SHISA6: variants seen among roughly 807,000 people sequenced by gnomAD.
SHISA6 encodes the protein protein shisa-6.
In SHISA6, 22 loss-of-function variants were observed where a neutral mutation model predicts 47.9. The observed-to-expected ratio is 0.46, with a 90% CI of 0.33 to 0.66. The LOEUF is 0.66. SHISA6 is among the 30% of genes least tolerant of loss of function. SHISA6 has a pLI of 0.02. For synonymous variants in SHISA6, 388 were observed against 337.8 expected (o/e 1.15, Z -1.63); for missense variants, 680 against 764.6 (o/e 0.89, Z 1.30).
At chr17:11,256,486 A>G (rs753147522) in intron 1 of SHISA6, among the ~76,000 whole-genome samples, 18 of 151,968 alleles carry the variant, frequency 1.2e-4, no homozygotes, top group Non-Finnish European at 2.5e-4. Flanking sequence ...ACAGAGCGAG[A>G]CTCTATCTCA....
intron 3 of SHISA6, among the ~76,000 whole-genome samples, chr17:11,472,927 T>C (rs1915966252): frequency 6.6e-6 from 1 of 152,232 alleles, no homozygotes; most frequent in Non-Finnish European, 1.5e-5. Context: ...ACCATCTTTT[T>C]ATGTGGTTAT....
intron 2 of SHISA6, among the ~76,000 whole-genome samples, chr17:11,350,182 A>ATTTTTTTT (rs778331945): frequency 1.7e-5 from 2 of 116,270 alleles, no homozygotes; most frequent in African/African-American, 6.7e-5. Flanking sequence ...TTATTTATTT[A>ATTTTTTTT]TTTTTTTTTT....
At chr17:11,486,073 C>T (rs929717037) in intron 3 of SHISA6, among the ~76,000 whole-genome samples, 16 of 152,138 alleles carry the variant, frequency 1.1e-4, no homozygotes, top group South Asian at 2.1e-4. Flanking sequence ...TTGAATGGGC[C>T]GCTCTTCATT....
At chr17:11,251,547 A>G (rs896438449) in intron 1 of SHISA6, among the ~76,000 whole-genome samples, 16 of 152,234 alleles carry the variant, frequency 1.1e-4, no homozygotes, top group Admixed American at 2.6e-4. Flanking sequence ...GGGAGGCGGT[A>G]TGGACCTAGG....
At chr17:11,549,809 A>G (rs1001240430) in intron 3 of SHISA6, among the ~76,000 whole-genome samples, 1 of 152,190 alleles carries the variant, frequency 6.6e-6, no homozygotes, top group African/African-American at 2.4e-5. Context: ...AAACAACAAC[A>G]ACAACAAAAC....
At chr17:11,396,847 G>A (rs1403846680) in intron 3 of SHISA6, among the ~76,000 whole-genome samples, 3 of 152,144 alleles carry the variant, frequency 2.0e-5, no homozygotes, top group South Asian at 2.1e-4. Context: ...AACCTGGCAC[G>A]TGGATACCTA....
At chr17:11,339,111 A>C (rs1313740103) in intron 2 of SHISA6, among the ~76,000 whole-genome samples, 2 of 151,752 alleles carry the variant, frequency 1.3e-5, no homozygotes, top group African/African-American at 4.8e-5. Context: ...ACATGTATAC[A>C]TATGTAACAA....
intron 2 of SHISA6, among the ~76,000 whole-genome samples, chr17:11,314,530 TTTTTTTG>T (rs1910440227): frequency 1.4e-5 from 2 of 147,342 alleles, no homozygotes; most frequent in East Asian, 2.0e-4. Flanking sequence ...TGTTTTTTCA[TTTTTTTG>T]TTTTTTTTTT....
intron 3 of SHISA6, among the ~76,000 whole-genome samples, chr17:11,446,464 G>A (rs1915240663): frequency 6.6e-6 from 1 of 152,198 alleles, no homozygotes; most frequent in African/African-American, 2.4e-5. Context: ...AAGCTTGTTT[G>A]TGCTAATTAC....
At chr17:11,432,225 C>T (rs1914799482) in intron 3 of SHISA6, among the ~76,000 whole-genome samples, 1 of 152,190 alleles carries the variant, frequency 6.6e-6, no homozygotes, top group African/African-American at 2.4e-5. Flanking sequence ...TGACTTCATG[C>T]TTCTGCATAG....
At chr17:11,278,507 G>A (rs1033141708) in intron 2 of SHISA6, among the ~76,000 whole-genome samples, 3 of 152,212 alleles carry the variant, frequency 2.0e-5, no homozygotes, top group Non-Finnish European at 4.4e-5. Context: ...TTTACAAGAT[G>A]CAACAAAGCC....
chr17:11,274,150 A>T (rs1272869347), intron 2 of SHISA6, among the ~76,000 whole-genome samples: 3 of 152,106 alleles, frequency 2.0e-5, no homozygotes, highest in Admixed American at 6.5e-5. Context: ...GAAAGGACCC[A>T]TCCCCTGCCC....
intron 3 of SHISA6, among the ~76,000 whole-genome samples, chr17:11,414,246 G>A (rs1914216864): frequency 1.3e-5 from 2 of 152,148 alleles, no homozygotes; most frequent in Non-Finnish European, 2.9e-5. Context: ...GGAAGAAAAT[G>A]CTGCAAAACA....
chr17:11,481,685 G>A (rs1916228051), intron 3 of SHISA6, among the ~76,000 whole-genome samples: 1 of 151,806 alleles, frequency 6.6e-6, no homozygotes, highest in Non-Finnish European at 1.5e-5. Flanking sequence ...TAGACACAGG[G>A]TTTCACCATG....
intron 2 of SHISA6, among the ~76,000 whole-genome samples, chr17:11,348,863 C>T (rs895380320): frequency 6.6e-6 from 1 of 152,128 alleles, no homozygotes; most frequent in South Asian, 2.1e-4. Context: ...TATATTCTTC[C>T]CACTGATAGG....
intron 3 of SHISA6, among the ~76,000 whole-genome samples, chr17:11,517,304 A>G (rs995265981): frequency 6.6e-6 from 1 of 152,158 alleles, no homozygotes; most frequent in Non-Finnish European, 1.5e-5. Flanking sequence ...AGGAGCAGGT[A>G]GGGGAATAGT....
intron 2 of SHISA6, among the ~76,000 whole-genome samples, chr17:11,368,508 T>G (rs1912526757): frequency 6.6e-6 from 1 of 152,166 alleles, no homozygotes. Context: ...CCTGGAATAT[T>G]TTGAAATATT....
chr17:11,489,047 T>C (rs1466581588), intron 3 of SHISA6, among the ~76,000 whole-genome samples: 1 of 152,166 alleles, frequency 6.6e-6, no homozygotes, highest in African/African-American at 2.4e-5. Flanking sequence ...GTCTAGATTC[T>C]CTCTTCTAGG....
chr17:11,544,390 A>G (rs537485679), intron 3 of SHISA6, among the ~76,000 whole-genome samples: 2 of 152,358 alleles, frequency 1.3e-5, no homozygotes, highest in Admixed American at 1.3e-4. Context: ...AAAAATGGGC[A>G]GAAGTAACGA....
Sources: allele counts gnomAD v4.1 joint callset (sites outside exome capture counted in the v4.1 genomes callset), GRCh38; gene constraint gnomAD v4.1.1; transcripts MANE v1.5; gene names NCBI Gene and HGNC (gene_info 2026-07-23, HGNC 2026-07-21).